Variants in PTPRD observed in about 807,000 individuals in gnomAD.
PTPRD encodes protein tyrosine phosphatase receptor type D, also known as receptor-type tyrosine-protein phosphatase delta.
In PTPRD, 34 loss-of-function variants were observed where a neutral mutation model predicts 214.5. That is an observed-to-expected ratio of 0.16 (90% CI 0.12 to 0.21). PTPRD has a LOEUF of 0.21. PTPRD is among the 10% of genes least tolerant of loss of function. PTPRD has a pLI of 1.00. For missense variants in PTPRD, 2,545 were observed against 2,398.7 expected (o/e 1.06, Z -1.27); for synonymous variants, 1,128 against 845.7 (o/e 1.33, Z -5.79).
chr9:10,180,604 C>CAAA lies in PTPRD; in HGVS notation c.-544-146817_-544-146815dup, dbSNP rs1288616582. ...TTTGATACCAAAACCAGATAAAGTA[C>CAAA]AAAAAAAAAAAAAAAAAACTCATGG... On this transcript the variant is annotated intron_variant, in intron 3 of 45. Transcript: ENST00000381196. 1.1e-3 allele frequency among the ~76,000 whole-genome samples: 86 copies of CAAA among 76,150 alleles called. 3 individuals carry two copies. The highest frequency in any genetic ancestry group is 9.6e-4 in the Admixed American group (7 of 7,312). The allele number at this position is 76,150 out of a possible 152,430, so 50.0% of individuals were successfully genotyped here.
intron 10 of PTPRD, among the ~76,000 whole-genome samples, chr9:9,144,485 G>A (rs1359193634): frequency 6.6e-6 from 1 of 152,148 alleles, no homozygotes; most frequent in East Asian, 1.9e-4. Flanking sequence ...CGGGTGCGGT[G>A]ACCCATGCCT....
At chr9:8,651,328 T>A (rs1031400825) in intron 12 of PTPRD, among the ~76,000 whole-genome samples, 1 of 152,094 alleles carries the variant, frequency 6.6e-6, no homozygotes, top group Admixed American at 6.6e-5. Flanking sequence ...GGTTCTATGC[T>A]CGGGCTCTGA....
chr9:10,513,146 G>C (rs568453813), intron 2 of PTPRD, among the ~76,000 whole-genome samples: 1 of 151,698 alleles, frequency 6.6e-6, no homozygotes, highest in East Asian at 1.9e-4. Context: ...TTTTCTTTTT[G>C]TCACTGTTAT....
chr9:8,604,282 T>C (rs558292290), intron 14 of PTPRD, among the ~76,000 whole-genome samples: 3 of 152,214 alleles, frequency 2.0e-5, no homozygotes, highest in African/African-American at 7.2e-5. Context: ...GAGAGGACCA[T>C]TAGATCTCAG....
intron 9 of PTPRD, among the ~76,000 whole-genome samples, chr9:9,186,990 T>C (rs1262211797): frequency 6.6e-6 from 1 of 151,744 alleles, no homozygotes; most frequent in African/African-American, 2.4e-5. Context: ...CTCTTGAGTA[T>C]TATATAAAAT....
chr9:8,841,144 C>T (rs1312427155), intron 11 of PTPRD, among the ~76,000 whole-genome samples: 2 of 152,132 alleles, frequency 1.3e-5, no homozygotes, highest in Non-Finnish European at 2.9e-5. Context: ...CTCCTGTGAC[C>T]ATCAAGATTT....
intron 9 of PTPRD, among the ~76,000 whole-genome samples, chr9:9,300,826 A>C (rs1189159406): frequency 6.6e-6 from 1 of 151,866 alleles, no homozygotes; most frequent in African/African-American, 2.4e-5. Context: ...ATCAATCCAT[A>C]ATGACTAATA....
chr9:9,502,666 C>T (rs1378522583), intron 8 of PTPRD, among the ~76,000 whole-genome samples: 1 of 151,580 alleles, frequency 6.6e-6, no homozygotes, highest in Non-Finnish European at 1.5e-5. Context: ...TCATAATAGC[C>T]CCAAACTGTA....
chr9:10,178,463 A>G (rs1421110143), intron 3 of PTPRD, among the ~76,000 whole-genome samples: 1 of 151,984 alleles, frequency 6.6e-6, no homozygotes, highest in Middle Eastern at 3.2e-3. Flanking sequence ...CAAAATTTGT[A>G]GGAAAGGATA....
intron 2 of PTPRD, among the ~76,000 whole-genome samples, chr9:10,429,044 A>C (rs549625024): frequency 6.6e-6 from 1 of 152,170 alleles, no homozygotes; most frequent in Non-Finnish European, 1.5e-5. Context: ...TCATCAAATT[A>C]ATTTTCATCA....
At chr9:8,624,637 T>C (rs2154305055) in intron 14 of PTPRD, among the ~76,000 whole-genome samples, 1 of 151,922 alleles carries the variant, frequency 6.6e-6, no homozygotes, top group Admixed American at 6.6e-5. Flanking sequence ...TGTCATTAAC[T>C]TCCCCCAAAA....
chr9:8,761,566 T>C (rs2094416862), intron 11 of PTPRD, among the ~76,000 whole-genome samples: 1 of 152,138 alleles, frequency 6.6e-6, no homozygotes. Context: ...AAAGCGGAGC[T>C]GCAAAGGTTA....
chr9:8,694,439 G>C (rs1391221132), intron 12 of PTPRD, among the ~76,000 whole-genome samples: 1 of 152,088 alleles, frequency 6.6e-6, no homozygotes, highest in Non-Finnish European at 1.5e-5. Context: ...TGGAAAACAT[G>C]ATTTGTAATC....
chr9:10,088,639 T>G lies in PTPRD; in HGVS notation c.-544-54849A>C, dbSNP rs116706382. 8.2e-3 allele frequency among the ~76,000 whole-genome samples: 1,245 copies of G among 151,896 alleles called. 27 individuals carry two copies. The highest frequency in any genetic ancestry group is 0.029 in the African/African-American group (1,185 of 41,514). ...CAAAATGTCTGCAATGTGGGGGCAG[T>G]AGTCAAGTATTACTGACGTTTAGCA... On this transcript the variant is annotated intron_variant, in intron 3 of 45. Transcript: ENST00000381196.
intron 36 of PTPRD, among the ~76,000 whole-genome samples, chr9:8,392,789 T>C (rs762663254): frequency 3.3e-5 from 5 of 152,222 alleles, no homozygotes; most frequent in Middle Eastern, 3.4e-3. Context: ...ATAAGAGAGA[T>C]GGCTATGTTC....
chr9:8,795,109 A>G (rs920636236), intron 11 of PTPRD, among the ~76,000 whole-genome samples: 2 of 152,168 alleles, frequency 1.3e-5, no homozygotes, highest in Non-Finnish European at 2.9e-5. Flanking sequence ...TTTCTTGGGC[A>G]CTACCAAAAT....
intron 7 of PTPRD, among the ~76,000 whole-genome samples, chr9:9,729,160 A>T (rs1215967919): frequency 6.6e-6 from 1 of 152,148 alleles, no homozygotes; most frequent in East Asian, 1.9e-4. Context: ...ACAAAACAAA[A>T]ATAAAATGCA....
At chr9:8,501,119 A>T (rs1416242749) in intron 23 of PTPRD, 60 bp from the exon 24 acceptor site, 4 of 1,301,624 alleles carry the variant, frequency 3.1e-6, no homozygotes, top group Admixed American at 2.6e-5. Flanking sequence ...GGTTGAAAAA[A>T]AAAATGATAA....
At position 9,713,364 on chromosome 9, in the gene PTPRD, T is replaced by A. The variant is rs937435012; in HGVS notation, c.-287+21169A>T. ...ATGATTAAGTAAGATGCATCAAAAA[T>A]GTCACTCGTCCTCTTAGATATCTAG... On this transcript the variant is annotated intron_variant, in intron 7 of 45. Transcript: ENST00000381196. Among the ~76,000 whole-genome samples, 3 of 152,300 alleles carry A rather than the reference T, an allele frequency of 2.0e-5. No homozygotes were observed. The South Asian group carries it at 6.2e-4, about 32-fold the overall frequency.
Sources: allele counts gnomAD v4.1 joint callset (sites outside exome capture counted in the v4.1 genomes callset), GRCh38; gene constraint gnomAD v4.1.1; transcripts MANE v1.5; gene names NCBI Gene and HGNC (gene_info 2026-07-23, HGNC 2026-07-21).